Variants in VEZT observed in about 807,000 individuals in gnomAD.
VEZT encodes the protein vezatin, adherens junctions transmembrane protein.
In VEZT, 39 loss-of-function variants were observed where a neutral mutation model predicts 79.9. The ratio of observed to expected loss-of-function variants is 0.49; its 90% CI spans 0.38 to 0.64. The LOEUF is 0.64. VEZT is among the 30% of genes least tolerant of loss of function. The probability of loss-of-function intolerance (pLI) is 0.00; values close to 1 mark genes in which losing one functional copy is unlikely to be tolerated. For synonymous variants in VEZT, 325 were observed against 327.6 expected (o/e 0.99, Z 0.09); for missense variants, 837 against 893.1 (o/e 0.94, Z 0.80).
chr12:95,263,025 A>T lies in VEZT; in HGVS notation c.378A>T (p.Gln126His), dbSNP rs762467413. 10 of 1,612,850 alleles carry T rather than the reference A, an allele frequency of 6.2e-6. No individual in the cohort carries two copies. The South Asian group carries it at 8.8e-5, about 14-fold the overall frequency. Residue 126 changes from glutamine to histidine, a missense_variant, in exon 4 of 12, where the codon CAA (glutamine) becomes CAT (histidine). Physicochemically the swap from Gln to His is conservative, Grantham distance 24. Coordinates refer to ENST00000436874, the MANE Select transcript of VEZT (RefSeq NM_017599.4). Reference protein sequence around the residue: ...DPSILSAGQSQQQENGHLPTL... With the variant: ...DPSILSAGQSHQQENGHLPTL... ...GTATCCTGTCTGCAGGGCAATCTCA[A>T]CAACAGGAAAATGGACACCTTCCAA...
chr12:95,230,320 A>G (rs1223049650), intron 1 of VEZT, among the ~76,000 whole-genome samples: 1 of 152,074 alleles, frequency 6.6e-6, no homozygotes, highest in East Asian at 1.9e-4. Flanking sequence ...ATAGCCTCCT[A>G]TCTCTTATTG....
At chr12:95,224,498 G>A (rs945653263) in intron 1 of VEZT, among the ~76,000 whole-genome samples, 6 of 151,968 alleles carry the variant, frequency 3.9e-5, no homozygotes, top group African/African-American at 9.7e-5. Flanking sequence ...CTCTTATCAC[G>A]GGATTCTTCT....
At chr12:95,260,757 C>A (rs535932635) in intron 3 of VEZT, among the ~76,000 whole-genome samples, 33 of 152,220 alleles carry the variant, frequency 2.2e-4, no homozygotes, top group Admixed American at 1.7e-3. Flanking sequence ...AATTGGGGAA[C>A]CAAATAGTAA....
chr12:95,272,030 C>A (rs1207449009), intron 6 of VEZT, among the ~76,000 whole-genome samples: 3 of 152,074 alleles, frequency 2.0e-5, no homozygotes, highest in East Asian at 1.9e-4. Flanking sequence ...AAATTAGCTG[C>A]ATGGTGGCAC....
chr12:95,225,238 T>C (rs1029328903), intron 1 of VEZT, among the ~76,000 whole-genome samples: 3 of 152,214 alleles, frequency 2.0e-5, no homozygotes, highest in African/African-American at 7.2e-5. Context: ...TCAAAGTTGC[T>C]ATATGCTCAT....
chr12:95,232,484 A>C (rs897326829), intron 1 of VEZT, among the ~76,000 whole-genome samples: 2 of 152,206 alleles, frequency 1.3e-5, no homozygotes, highest in African/African-American at 4.8e-5. Context: ...ATAAGCACAG[A>C]TTCATATAGG....
chr12:95,248,821 CAAAA>C (rs3080331), intron 1 of VEZT, among the ~76,000 whole-genome samples: 9 of 104,672 alleles, frequency 8.6e-5, no homozygotes, highest in Middle Eastern at 4.9e-3. Flanking sequence ...GACCCTATCT[CAAAA>C]AAAAAAAAAA....
intron 7 of VEZT, chr12:95,275,914 T>C (rs2067604737): frequency 8.3e-6 from 1 of 120,138 alleles, no homozygotes; most frequent in Non-Finnish European, 2.1e-5. Flanking sequence ...GGCCAATAAA[T>C]ATGATAAAAT....
Position 95,282,570 on chromosome 12 carries a change from G to C in VEZT, c.1254G>C (p.Gln418His), listed in dbSNP as rs1388130301. 5 of 1,613,996 alleles carry C rather than the reference G, an allele frequency of 3.1e-6. No homozygotes were observed. In the East Asian group the frequency reaches 1.1e-4, roughly 36 times the overall value. ...SVPQCLSKTQ[Q>H]KSRELNNVHT... ...CGCAGTGTTTATCCAAAACTCAACAGAAGTCAAGAGAACTGAATAATGTTC... is the reference window on the plus strand; with the variant it reads ...CGCAGTGTTTATCCAAAACTCAACACAAGTCAAGAGAACTGAATAATGTTC... The change falls in exon 8 of 12, where the codon CAG (glutamine) becomes CAC (histidine). Residue 418 changes from glutamine (Q) to histidine (H), a missense_variant. Transcript: ENST00000436874.
At chr12:95,293,292 T>C (rs115171347) in intron 9 of VEZT, among the ~76,000 whole-genome samples, 1,866 of 152,364 alleles carry the variant, frequency 0.012, 38 homozygotes, top group African/African-American at 0.042. Context: ...CCATCTTGCC[T>C]ACAAACTAAT....
intron 1 of VEZT, chr12:95,242,184 A>G (rs569977108): frequency 6.6e-6 from 1 of 152,186 alleles, no homozygotes; most frequent in Admixed American, 6.5e-5. Flanking sequence ...TACCACTACT[A>G]TGGAAGTACC....
rs758133559 is a variant in VEZT at position 95,270,108 on chromosome 12, C to A, written c.768C>A (p.Ile256=). ...KAGQHPSQHL[I]GLRKAVYRTL... ...GACAGCATCCAAGTCAGCATCTCATCGGTCTTCGGAAAGCTGTCTACCGAA... is the reference window on the plus strand; with the variant it reads ...GACAGCATCCAAGTCAGCATCTCATAGGTCTTCGGAAAGCTGTCTACCGAA... The change falls in exon 6 of 12, where the codon ATC becomes ATA. Residue 256 remains isoleucine, a synonymous_variant. Coordinates refer to ENST00000436874, the MANE Select transcript of VEZT (RefSeq NM_017599.4). 13 of 1,611,920 alleles carry A rather than the reference C, an allele frequency of 8.1e-6. 1 individual carries two copies. The South Asian group carries it at 1.1e-4, about 14-fold the overall frequency.
intron 1 of VEZT, among the ~76,000 whole-genome samples, chr12:95,234,815 T>G (rs1470154951): frequency 6.6e-6 from 1 of 152,190 alleles, no homozygotes; most frequent in Non-Finnish European, 1.5e-5. Flanking sequence ...CCTTCCGCAG[T>G]GTTTGTGTCC....
intron 1 of VEZT, among the ~76,000 whole-genome samples, chr12:95,224,805 C>A (rs1300609622): frequency 6.6e-6 from 1 of 152,154 alleles, no homozygotes; most frequent in Non-Finnish European, 1.5e-5. Context: ...TTTTTGGCAC[C>A]AGGGACTTGT....
At chr12:95,246,672 C>T (rs2061766962) in intron 1 of VEZT, among the ~76,000 whole-genome samples, 1 of 152,130 alleles carries the variant, frequency 6.6e-6, no homozygotes, top group Non-Finnish European at 1.5e-5. Context: ...TGTTTTCTGT[C>T]AGCTAAAACT....
At chr12:95,291,478 AT>A (rs952630844) in intron 9 of VEZT, among the ~76,000 whole-genome samples, 2 of 152,090 alleles carry the variant, frequency 1.3e-5, no homozygotes, top group African/African-American at 4.8e-5. Flanking sequence ...AAGGTCTGCA[AT>A]TTTTTTCCTC....
intron 11 of VEZT, 54 bp downstream of exon 11, chr12:95,296,312 T>C: frequency 6.7e-7 from 1 of 1,484,704 alleles, no homozygotes; most frequent in Non-Finnish European, 9.1e-7. Context: ...ATTCTTTCTT[T>C]CTTGAACCAT....
intron 10 of VEZT, 100 bp from the exon 11 acceptor site, chr12:95,295,951 T>C (rs1453511172): frequency 2.7e-6 from 2 of 728,348 alleles, no homozygotes; most frequent in East Asian, 3.5e-5. Flanking sequence ...ATGCAAGTCC[T>C]TTTTTTTTAA....
chr12:95,269,256 A>G (rs567837446), intron 5 of VEZT, among the ~76,000 whole-genome samples: 4 of 152,212 alleles, frequency 2.6e-5, no homozygotes, highest in Non-Finnish European at 5.9e-5. Context: ...AATGTAATAC[A>G]TTGTATGTCA....
Sources: gnomAD v4.1 joint callset for allele counts (sites outside exome capture counted in the v4.1 genomes callset) on GRCh38, gnomAD v4.1.1 for gene constraint, MANE v1.5 for transcripts, NCBI Gene and HGNC (gene_info 2026-07-23, HGNC 2026-07-21) for gene names.